The following ANKRD33B variants were observed in gnomAD, a reference collection of about 807,000 sequenced individuals.
ANKRD33B encodes the protein ankyrin repeat domain-containing protein 33B.
A neutral mutation model predicts 21.5 loss-of-function variants in ANKRD33B; 6 were observed. The observed-to-expected ratio is 0.28, with a 90% CI of 0.15 to 0.55. The LOEUF (loss-of-function observed/expected upper bound fraction) is 0.55. ANKRD33B is among the 20% of genes least tolerant of loss of function. The pLI is 0.94. For synonymous variants in ANKRD33B, 347 were observed against 342.4 expected (o/e 1.01, Z -0.15); for missense variants, 698 against 747.2 (o/e 0.93, Z 0.77).
chr5:10,638,123 G>A lies in ANKRD33B; in HGVS notation c.592G>A (p.Ala198Thr), dbSNP rs1025423470. 7.8e-6 allele frequency: 12 copies of A among 1,537,316 alleles called. No individual in the cohort carries two copies. Among genetic ancestry groups the A allele is most frequent in the Middle Eastern group, 1.7e-4 (1 of 6,006 alleles). ...CGGGTTCACCGCCCTGATGAAAGCC[G>A]CCATGCAGGGTCGAACGGACTGCAT... ...AFGFTALMKA[A>T]MQGRTDCIRA... The change falls in exon 3 of 4, where the codon GCC (alanine) becomes ACC (threonine). Residue 198 changes from alanine (A) to threonine (T), a missense_variant. Physicochemically the swap from Ala to Thr is moderately conservative, Grantham distance 58. This residue lies in a region of ANKRD33B where 543 missense variants were observed against 566.5 expected (regional missense o/e 0.96). Coordinates refer to ENST00000296657, the MANE Select transcript of ANKRD33B (RefSeq NM_001164440.2).
rs748813639 is a variant in ANKRD33B, at chr5:10,650,104, G to A, written c.1476G>A (p.Lys492=). 2.4e-5 allele frequency: 37 copies of A among 1,516,932 alleles called. No homozygotes were observed. The South Asian group carries it at 4.5e-4, about 18-fold the overall frequency. The allele number at this position is 1,516,932 out of a possible 1,614,324, so 94.0% of individuals were successfully genotyped here. A position where few individuals can be genotyped will look rare whatever the true frequency, so the allele number is the denominator to read the frequency against. Residue 492 remains lysine (K), a synonymous_variant, in exon 4 of 4, where the codon AAG becomes AAA. Transcript: ENST00000296657. ...AGAGGCGCACTGCGCCCTGGAAGAAGAGGACGTGAGGGCCCGTGTGCCTGG... is the reference window on the plus strand; with the variant it reads ...AGAGGCGCACTGCGCCCTGGAAGAAAAGGACGTGAGGGCCCGTGTGCCTGG... ...QKERRTAPWK[K]RT is the part of the protein sequence containing the mutation.
At chr5:10,568,811 G>A (rs550681081) in intron 1 of ANKRD33B, among the ~76,000 whole-genome samples, 13 of 152,288 alleles carry the variant, frequency 8.5e-5, no homozygotes, top group South Asian at 2.1e-4. Context: ...TGGGATTACC[G>A]GTGTGAGGCA....
At chr5:10,587,232 C>G (rs1055977372) in intron 1 of ANKRD33B, among the ~76,000 whole-genome samples, 1 of 151,902 alleles carries the variant, frequency 6.6e-6, no homozygotes, top group East Asian at 1.9e-4. Context: ...CCAGGTTGAT[C>G]TCGAACTCCT....
chr5:10,638,546 T>G (rs1173094240), intron 3 of ANKRD33B, among the ~76,000 whole-genome samples: 1 of 152,224 alleles, frequency 6.6e-6, no homozygotes, highest in African/African-American at 2.4e-5. Flanking sequence ...GTAGGGATGG[T>G]GGGAACGGCC....
chr5:10,622,782 T>G (rs1007386538), intron 2 of ANKRD33B, among the ~76,000 whole-genome samples: 24 of 149,306 alleles, frequency 1.6e-4, no homozygotes, highest in African/African-American at 5.7e-4. Flanking sequence ...CCAGGGTTGT[T>G]TTTTGTTTTT....
chr5:10,602,416 A>T (rs1477684682), intron 1 of ANKRD33B, among the ~76,000 whole-genome samples: 1 of 152,268 alleles, frequency 6.6e-6, no homozygotes, highest in Non-Finnish European at 1.5e-5. Context: ...CGTTTGGCTC[A>T]ATCATTAGCC....
intron 1 of ANKRD33B, among the ~76,000 whole-genome samples, chr5:10,598,883 T>C (rs1419469386): frequency 6.6e-6 from 1 of 152,128 alleles, no homozygotes; most frequent in Non-Finnish European, 1.5e-5. Context: ...AGAAATCCTG[T>C]CTTAAAGAAA....
chr5:10,564,900 C>A, intron 1 of ANKRD33B, 67 bp downstream of exon 1: 1 of 1,436,492 alleles, frequency 7.0e-7, no homozygotes, highest in Non-Finnish European at 9.1e-7. Flanking sequence ...CCCACCACAT[C>A]CCCGCGCCTC....
intron 2 of ANKRD33B, among the ~76,000 whole-genome samples, chr5:10,620,135 G>A (rs1736386944): frequency 6.6e-6 from 1 of 152,126 alleles, no homozygotes. Flanking sequence ...TGCGTGAGTG[G>A]TGACAGGGGT....
In ANKRD33B at chr5:10,649,532, G is replaced by A. The variant is rs1228265943; in HGVS notation, c.904G>A (p.Gly302Arg). The change falls in exon 4 of 4, where the codon GGG becomes AGG. Residue 302 changes from glycine (G) to arginine (R), a missense_variant. Around this residue, in one of 3 missense-constraint regions of ANKRD33B, gnomAD observed 543 missense variants for 566.5 expected, o/e 0.96. Coordinates refer to ENST00000296657, the MANE Select transcript of ANKRD33B (RefSeq NM_001164440.2). ...GCGCTCCGTGCGGGGCCCGGAGGAC[G>A]GGGGCGTCCTGGACCACATGGTCCG... The part of the protein sequence containing the change: ...TPRSVRGPED[G>R]GVLDHMVRMT... 1 of 1,532,804 alleles carries A rather than the reference G, an allele frequency of 6.5e-7. No homozygotes were observed. Among genetic ancestry groups the A allele is most frequent in the African/African-American group, 1.4e-5 (1 of 72,920 alleles). 95.0% of individuals were successfully genotyped at this position (1,532,804 alleles called of 1,614,324 possible). A position where few individuals can be genotyped will look rare whatever the true frequency, so the allele number is the denominator to read the frequency against.
intron 1 of ANKRD33B, among the ~76,000 whole-genome samples, chr5:10,614,991 A>T (rs1402096743): frequency 6.6e-6 from 1 of 152,166 alleles, no homozygotes; most frequent in African/African-American, 2.4e-5. Context: ...GTTTTACCTT[A>T]GGAAGCTGGA....
At chr5:10,614,046 AGG>A (rs1736232541) in intron 1 of ANKRD33B, among the ~76,000 whole-genome samples, 1 of 119,762 alleles carries the variant, frequency 8.3e-6, no homozygotes. Flanking sequence ...TATGTAGAGA[AGG>A]AGAGAGATTT....
chr5:10,617,846 C>T (rs530346868), intron 1 of ANKRD33B, among the ~76,000 whole-genome samples: 15 of 152,316 alleles, frequency 9.8e-5, no homozygotes, highest in Admixed American at 8.5e-4. Context: ...GCTGTTTCCT[C>T]TACTGGGGCA....
At chr5:10,649,231 G>T in intron 3 of ANKRD33B, 35 bp from the exon 4 acceptor site, 1 of 1,490,958 alleles carries the variant, frequency 6.7e-7, no homozygotes, top group Non-Finnish European at 8.9e-7. Context: ...CCTTGTTGCC[G>T]CCACCCACTT....
intron 1 of ANKRD33B, among the ~76,000 whole-genome samples, chr5:10,615,860 G>A (rs1736272390): frequency 6.6e-6 from 1 of 152,184 alleles, no homozygotes; most frequent in Admixed American, 6.5e-5. Context: ...ACATTTATGC[G>A]AAAGCAGGTG....
At chr5:10,601,300 G>A (rs911022892) in intron 1 of ANKRD33B, among the ~76,000 whole-genome samples, 6 of 152,170 alleles carry the variant, frequency 3.9e-5, no homozygotes, top group Non-Finnish European at 4.4e-5. Context: ...ATGCACTTCA[G>A]CCTCCTCAGC....
intron 1 of ANKRD33B, among the ~76,000 whole-genome samples, chr5:10,571,089 C>A (rs1735177452): frequency 6.6e-6 from 1 of 152,168 alleles, no homozygotes; most frequent in Non-Finnish European, 1.5e-5. Context: ...CCTGTACTTA[C>A]AGTGCTAATT....
chr5:10,596,580 C>A (rs1414432963), intron 1 of ANKRD33B, among the ~76,000 whole-genome samples: 1 of 152,082 alleles, frequency 6.6e-6, no homozygotes, highest in East Asian at 1.9e-4. Context: ...ATTGGCGTAC[C>A]TGAAAGACAT....
intron 1 of ANKRD33B, among the ~76,000 whole-genome samples, chr5:10,599,911 T>C (rs1396567222): frequency 6.6e-6 from 1 of 152,264 alleles, no homozygotes. Flanking sequence ...ACAACCAAGC[T>C]ATTTTCCACA....
Sources: gnomAD v4.1 joint callset for allele counts (sites outside exome capture counted in the v4.1 genomes callset) on GRCh38, gnomAD v4.1.1 for gene constraint, gnomAD v4.1.1 regional missense constraint, MANE v1.5 for transcripts, NCBI Gene and HGNC (gene_info 2026-07-23, HGNC 2026-07-21) for gene names.